The following MRRF variants were observed in gnomAD, a reference collection of about 807,000 sequenced individuals.
MRRF encodes mitochondrial ribosome recycling factor.
In MRRF, 18 loss-of-function variants were observed where a neutral mutation model predicts 25.1. That is an observed-to-expected ratio of 0.72 (90% confidence interval 0.50 to 1.06). MRRF has a LOEUF of 1.06. MRRF is among the 50% of genes least tolerant of loss of function. The pLI is 0.00. For missense variants in MRRF, 323 were observed against 319.3 expected, an observed-to-expected ratio of 1.01 and a Z score of -0.09; for synonymous variants, 113 against 112.1, an observed-to-expected ratio of 1.01 and a Z score of -0.05.
rs775267730 is a variant in MRRF, at chr9:122,270,844, T to C, written c.-28-20T>C. Reference sequence around the variant, plus strand: ...CTTAGATCTTTTACTTAGATCTGCTTTTTGTCTTATTCTTTTTAGTGGATG... The same window carrying C: ...CTTAGATCTTTTACTTAGATCTGCTCTTTGTCTTATTCTTTTTAGTGGATG... On this transcript the variant is annotated intron_variant, in intron 1 of 6. Transcript: ENST00000344641. 1.9e-5 allele frequency: 31 copies of C among 1,599,444 alleles called. No homozygotes were observed. Among genetic ancestry groups the C allele is most frequent in the Non-Finnish European group, 2.7e-5 (31 of 1,166,798 alleles).
At chr9:122,304,822 G>A (rs1298362121) in intron 5 of MRRF, among the ~76,000 whole-genome samples, 2 of 152,144 alleles carry the variant, frequency 1.3e-5, no homozygotes, top group African/African-American at 4.8e-5. Flanking sequence ...CAACAAGAGA[G>A]GAAATAGAGC....
intron 5 of MRRF, among the ~76,000 whole-genome samples, chr9:122,309,112 A>T (rs1466869029): frequency 6.6e-6 from 1 of 152,102 alleles, no homozygotes; most frequent in East Asian, 1.9e-4. Flanking sequence ...GCTCTTAAGA[A>T]CTTCATGTAA....
chr9:122,297,331 C>T (rs986003159), intron 5 of MRRF, among the ~76,000 whole-genome samples: 2 of 152,054 alleles, frequency 1.3e-5, no homozygotes, highest in Admixed American at 6.5e-5. Context: ...AAAATGCCTC[C>T]ATCCTTTTCT....
At chr9:122,265,669 A>T in intron 1 of MRRF, 2 of 905,686 alleles carry the variant, frequency 2.2e-6, no homozygotes, top group Non-Finnish European at 1.6e-6. Flanking sequence ...AACAAAATCT[A>T]CGTAGGAGAA....
Position 122,317,058 on chromosome 9 carries a change from G to A in MRRF, c.711+3672G>A, listed in dbSNP as rs559768479. Among the ~76,000 whole-genome samples, 5 of 140,672 alleles carry A rather than the reference G, an allele frequency of 3.6e-5. No homozygotes were observed. In the East Asian group the frequency reaches 1.2e-3, roughly 33 times the overall value. 92.3% of individuals were successfully genotyped at this position (140,672 alleles called of 152,430 possible). A position where few individuals can be genotyped will look rare whatever the true frequency, so the allele number is the denominator to read the frequency against. On this transcript the variant is annotated intron_variant, in intron 6 of 6. Transcript: ENST00000344641. The stretch of plus-strand genomic sequence containing the variant: ...TTTGTTGAAACTTCTTTGTTATAAG[G>A]TTGCAGTGAATATATATATATATAT...
Position 122,279,570 on chromosome 9 carries a change from C to T in MRRF, c.185-873C>T, listed in dbSNP as rs192853019. 3.2e-4 allele frequency among the ~76,000 whole-genome samples: 49 copies of T among 152,298 alleles called. No homozygotes were observed. The East Asian group carries it at 7.3e-3, about 23-fold the overall frequency. ...TTAAAATTTTATTGTTTTTCTCCTT[C>T]CCCATTCCCTATAAAAGAAATGCAA... On this transcript the variant is annotated intron_variant, in intron 2 of 6. Coordinates refer to ENST00000344641, the MANE Select transcript of MRRF (RefSeq NM_138777.5).
chr9:122,305,931 T>G (rs2118912221), intron 5 of MRRF, among the ~76,000 whole-genome samples: 1 of 152,338 alleles, frequency 6.6e-6, no homozygotes, highest in South Asian at 2.1e-4. Flanking sequence ...CAACTGTTGT[T>G]CCAGGTGCCA....
At chr9:122,283,966 T>TTTGTTGTTGTTGTTGTTG (rs199591983) in intron 3 of MRRF, among the ~76,000 whole-genome samples, 1 of 150,534 alleles carries the variant, frequency 6.6e-6, no homozygotes, top group Non-Finnish European at 1.5e-5. Flanking sequence ...TGTTAATAGT[T>TTTGTTGTTGTTGTTGTTG]TTGTTGTTGT....
At chr9:122,265,982 C>A (rs1225572225) in intron 1 of MRRF, among the ~76,000 whole-genome samples, 1 of 152,202 alleles carries the variant, frequency 6.6e-6, no homozygotes, top group Non-Finnish European at 1.5e-5. Flanking sequence ...TCTGGCAAAC[C>A]AGAGACAGTG....
chr9:122,313,689 A>C (rs1403917464), intron 6 of MRRF, among the ~76,000 whole-genome samples: 1 of 152,188 alleles, frequency 6.6e-6, no homozygotes, highest in East Asian at 1.9e-4. Flanking sequence ...CAAGTTAAAT[A>C]ACTTGCCCGA....
rs1454980857 is a variant in MRRF, at chr9:122,323,639, T to TC, written c.*1025dup. The TC allele has an allele frequency of 6.6e-6, 1 of 152,248 alleles. No individual in the cohort carries two copies. Among genetic ancestry groups the TC allele is most frequent in the African/African-American group, 2.4e-5 (1 of 41,466 alleles). The allele number at this position is 152,248 out of a possible 1,614,324, so 9.4% of individuals were successfully genotyped here. On this transcript the variant is annotated 3_prime_UTR_variant, in exon 7 of 7. Coordinates refer to ENST00000344641, the MANE Select transcript of MRRF (RefSeq NM_138777.5). ...CGGATACTGGGTTATTAGGTTTTTT[T>TC]CCCTCCAATTATTTTTTATTCATTC...
chr9:122,298,247 T>C (rs911275855), intron 5 of MRRF, among the ~76,000 whole-genome samples: 2 of 152,214 alleles, frequency 1.3e-5, no homozygotes, highest in Non-Finnish European at 2.9e-5. Flanking sequence ...TTAAGTTTAA[T>C]TATATAATAA....
At chr9:122,308,621 C>G (rs1163731221) in intron 5 of MRRF, among the ~76,000 whole-genome samples, 1 of 150,062 alleles carries the variant, frequency 6.7e-6, no homozygotes, top group Non-Finnish European at 1.5e-5. Flanking sequence ...ATCGCTTGAA[C>G]CCAGGAGGCG....
At chr9:122,274,485 G>A (rs941540563) in intron 2 of MRRF, among the ~76,000 whole-genome samples, 2 of 151,586 alleles carry the variant, frequency 1.3e-5, no homozygotes, top group Non-Finnish European at 1.5e-5. Context: ...GGCAAAACCC[G>A]GCCCCTTGCG....
intron 2 of MRRF, among the ~76,000 whole-genome samples, chr9:122,276,530 A>G (rs570513354): frequency 6.6e-6 from 1 of 152,326 alleles, no homozygotes; most frequent in South Asian, 2.1e-4. Flanking sequence ...GCATTTCTTT[A>G]TAGCCCATGA....
intron 3 of MRRF, 125 bp from the exon 4 acceptor site, chr9:122,285,044 C>T: frequency 1.4e-6 from 1 of 716,438 alleles, no homozygotes; most frequent in Non-Finnish European, 2.5e-6. Context: ...TCCCACTTCA[C>T]TCCCAAAGCT....
At position 122,293,556 on chromosome 9, in the gene MRRF, T is replaced by C. The variant is rs150856829; in HGVS notation, c.551+1716T>C. 2.6e-5 allele frequency among the ~76,000 whole-genome samples: 4 copies of C among 152,370 alleles called. No individual in the cohort carries two copies. In the East Asian group the frequency reaches 7.7e-4, roughly 29 times the overall value. On this transcript the variant is annotated intron_variant, in intron 5 of 6. Coordinates refer to ENST00000344641, the MANE Select transcript of MRRF (RefSeq NM_138777.5). ...TCTTGTTCCATTGTGTTCTCAGTAC[T>C]CTGTGAGGCTGAAGTAACACTCTGC... is the stretch of plus-strand genomic sequence containing the variant.
At chr9:122,273,781 A>G (rs1698811471) in intron 2 of MRRF, among the ~76,000 whole-genome samples, 1 of 152,192 alleles carries the variant, frequency 6.6e-6, no homozygotes, top group Admixed American at 6.5e-5. Context: ...GTCCTTTGTG[A>G]CGTCAGTATG....
At chr9:122,304,351 C>T (rs1320080937) in intron 5 of MRRF, among the ~76,000 whole-genome samples, 2 of 152,190 alleles carry the variant, frequency 1.3e-5, no homozygotes, top group Non-Finnish European at 2.9e-5. Flanking sequence ...GTCTTCTGCT[C>T]AGTGTTGCTT....
Sources: gnomAD v4.1 joint callset for allele counts (sites outside exome capture counted in the v4.1 genomes callset) on GRCh38, gnomAD v4.1.1 for gene constraint, MANE v1.5 for transcripts, NCBI Gene and HGNC (gene_info 2026-07-23, HGNC 2026-07-21) for gene names.